The following DCC variants were observed in gnomAD, a reference collection of about 807,000 sequenced individuals.
The protein encoded by DCC is DCC netrin 1 receptor.
Under a neutral mutation model 172.5 loss-of-function variants are expected in DCC, and 58 were observed. The ratio of observed to expected loss-of-function variants is 0.34; its 90% CI spans 0.27 to 0.42. DCC has a LOEUF of 0.42. DCC is among the 10% of genes least tolerant of loss of function. DCC has a pLI of 1.00. For synonymous variants in DCC, 709 were observed against 644.5 expected (o/e 1.10, Z -1.52); for missense variants, 1,740 against 1,791.0 (o/e 0.97, Z 0.51).
chr18:52,464,339 A>G (rs2119839), intron 1 of DCC, among the ~76,000 whole-genome samples: 54,727 of 151,940 alleles, frequency 0.36, 10,287 homozygotes, highest in Admixed American at 0.44. Flanking sequence ...CAGTGCTTAG[A>G]ATATAAAGTA....
intron 1 of DCC, among the ~76,000 whole-genome samples, chr18:52,536,056 G>A (rs1051814295): frequency 1.3e-5 from 2 of 152,096 alleles, no homozygotes; most frequent in South Asian, 2.1e-4. Flanking sequence ...TCAGACAGAC[G>A]CTGAGATGGG....
At chr18:53,529,038 T>TCTCTCTCACA (rs1203799842) in intron 28 of DCC, among the ~76,000 whole-genome samples, 11 of 65,266 alleles carry the variant, frequency 1.7e-4, no homozygotes, top group East Asian at 4.5e-4. Flanking sequence ...TCTCTCTCTC[T>TCTCTCTCACA]CACACACACA....
chr18:52,541,054 T>G lies in DCC; in HGVS notation c.91+200176T>G, dbSNP rs150087854. ...TTCTCAAAGTCATGGTCCCGTTTGA[T>G]TCTCATAGCTATCCGGTAAGCTAAG... On this transcript the variant is annotated intron_variant, in intron 1 of 28. Coordinates refer to ENST00000442544, the MANE Select transcript of DCC (RefSeq NM_005215.4). Among the ~76,000 whole-genome samples the G allele has an allele frequency of 9.5e-4, 144 of 152,326 alleles. 2 individuals carry two copies. In the East Asian group the frequency reaches 0.026, roughly 28 times the overall value.
chr18:52,938,952 A>G (rs962663122), intron 5 of DCC, among the ~76,000 whole-genome samples: 2 of 151,744 alleles, frequency 1.3e-5, no homozygotes, highest in Admixed American at 6.6e-5. Flanking sequence ...TTGCCTTTCT[A>G]TAACCCATTT....
chr18:53,459,379 C>T lies in DCC; in HGVS notation c.3540C>T (p.Ile1180=), dbSNP rs142960458. The change falls in exon 24 of 29, where the codon ATC becomes ATT. Residue 1180 remains isoleucine, a synonymous_variant. Transcript: ENST00000442544. ...ACCCTGCAGGAAGGGACTCTCCCAT[C>T]CAAAGTTGCCAAGACCTCACACCAG... ...GTDPAGRDSP[I]QSCQDLTPVS... is the part of the protein sequence containing the mutation. 2.7e-4 allele frequency: 437 copies of T among 1,613,922 alleles called. No individual in the cohort carries two copies. The highest frequency in any genetic ancestry group is 3.4e-4 in the Non-Finnish European group (405 of 1,179,964).
chr18:52,849,086 A>C (rs902926779), intron 2 of DCC, among the ~76,000 whole-genome samples: 1 of 151,110 alleles, frequency 6.6e-6, no homozygotes, highest in South Asian at 2.1e-4. Context: ...ATCAGTTTCA[A>C]CCTACTCTGT....
intron 9 of DCC, among the ~76,000 whole-genome samples, chr18:53,199,612 A>G (rs1296490487): frequency 6.6e-6 from 1 of 151,104 alleles, no homozygotes; most frequent in African/African-American, 2.4e-5. Context: ...AAGAACATAT[A>G]TATATATATA....
At chr18:52,960,832 G>A (rs4940227) in intron 5 of DCC, among the ~76,000 whole-genome samples, 2 of 151,992 alleles carry the variant, frequency 1.3e-5, no homozygotes, top group Non-Finnish European at 2.9e-5. Flanking sequence ...ATGGATTGAT[G>A]TTTGAAGTAA....
At chr18:52,899,650 C>T (rs755356292) in intron 2 of DCC, among the ~76,000 whole-genome samples, 5 of 151,784 alleles carry the variant, frequency 3.3e-5, no homozygotes, top group African/African-American at 4.8e-5. Context: ...CCACCGTGCC[C>T]GGCCTTAAAA....
At chr18:52,952,095 C>T (rs556303162) in intron 5 of DCC, among the ~76,000 whole-genome samples, 2 of 152,296 alleles carry the variant, frequency 1.3e-5, no homozygotes, top group African/African-American at 4.8e-5. Context: ...ATGATCACTT[C>T]TTCTCTAACC....
At position 52,936,666 on chromosome 18, in the gene DCC, A is replaced by C. The variant is rs1291408696; in HGVS notation, c.985+11296A>C. Among the ~76,000 whole-genome samples, 3 of 151,630 alleles carry C rather than the reference A, an allele frequency of 2.0e-5. 1 individual carries two copies. The highest frequency in any genetic ancestry group is 4.8e-5 in the African/African-American group (2 of 41,360). On this transcript the variant is annotated intron_variant, in intron 5 of 28. Transcript: ENST00000442544. ...AACAATCTAAGCAAGGTGAATTGAC[A>C]ATCTGTGGCTCACAAGGAGGAGAAC...
In DCC at chr18:53,313,189, T is replaced by G. The variant is rs73465008; in HGVS notation, c.2053+7470T>G. Among the ~76,000 whole-genome samples the G allele has an allele frequency of 1.6e-3, 240 of 152,286 alleles. 2 individuals carry two copies. The highest frequency in any genetic ancestry group is 5.5e-3 in the African/African-American group (230 of 41,572). On this transcript the variant is annotated intron_variant, in intron 13 of 28. Transcript: ENST00000442544. ...ATTGCTTGGTGGTGGTTATTGTTGG[T>G]ATAACTCTGGAAGATAACTCTTTTC...
chr18:53,330,221 G>A (rs2057515342), intron 14 of DCC, among the ~76,000 whole-genome samples: 1 of 152,024 alleles, frequency 6.6e-6, no homozygotes, highest in Non-Finnish European at 1.5e-5. Context: ...TTATACAATT[G>A]GAGGTTTTGA....
intron 2 of DCC, among the ~76,000 whole-genome samples, chr18:52,803,026 C>CAAGATGAA (rs2038023166): frequency 6.6e-6 from 1 of 152,042 alleles, no homozygotes; most frequent in Non-Finnish European, 1.5e-5. Context: ...CATGTGTTGA[C>CAAGATGAA]AAGATGAATA....
intron 12 of DCC, among the ~76,000 whole-genome samples, chr18:53,234,580 C>A (rs1488272950): frequency 2.0e-5 from 3 of 152,128 alleles, no homozygotes; most frequent in African/African-American, 7.2e-5. Context: ...TAAACAGTGA[C>A]TTAGGGTCAC....
chr18:52,341,067 G>A (rs879642801), intron 1 of DCC, among the ~76,000 whole-genome samples, 189 bp downstream of exon 1: 4 of 151,492 alleles, frequency 2.6e-5, no homozygotes, highest in African/African-American at 4.9e-5. Flanking sequence ...GATGATGGTG[G>A]GGGGGTGGTA....
chr18:53,050,780 C>A lies in DCC; in HGVS notation c.986-12525C>A, dbSNP rs7229493. Among the ~76,000 whole-genome samples, 13 of 151,908 alleles carry A rather than the reference C, an allele frequency of 8.6e-5. No homozygotes were observed. In the East Asian group the frequency reaches 2.3e-3, roughly 27 times the overall value. On this transcript the variant is annotated intron_variant, in intron 5 of 28. Transcript: ENST00000442544. The stretch of plus-strand genomic sequence containing the variant: ...ATACATTTTATTTTATCCTTCTACC[C>A]GATTGCTCCAGCCAGGACCTCCAGT...
At chr18:53,360,907 CTGG>C (rs1269362542) in intron 15 of DCC, among the ~76,000 whole-genome samples, 1 of 152,052 alleles carries the variant, frequency 6.6e-6, no homozygotes, top group Non-Finnish European at 1.5e-5. Context: ...AAAAGGTGTA[CTGG>C]TTTGAAGGGG....
intron 11 of DCC, among the ~76,000 whole-genome samples, chr18:53,213,044 C>CAT (rs766112668): frequency 6.6e-6 from 1 of 152,076 alleles, no homozygotes. Context: ...AAAAAGAACA[C>CAT]ATATATATCT....
Sources: allele counts gnomAD v4.1 joint callset (sites outside exome capture counted in the v4.1 genomes callset), GRCh38; gene constraint gnomAD v4.1.1; transcripts MANE v1.5; gene names NCBI Gene and HGNC (gene_info 2026-07-23, HGNC 2026-07-21).